The following CBFB variants were observed in gnomAD, a reference collection of about 807,000 sequenced individuals.
CBFB encodes CBF-beta.
A neutral mutation model predicts 30.4 loss-of-function variants in CBFB; 9 were observed. The observed-to-expected ratio is 0.30, with a 90% confidence interval of 0.18 to 0.52. The LOEUF (loss-of-function observed/expected upper bound fraction) is 0.52, where lower values mean the gene tolerates loss of function less well. Among genes scored for constraint, CBFB ranks in the 20% least tolerant of loss-of-function variants. The pLI, the probability that CBFB is intolerant of heterozygous loss-of-function variation, is 0.97. For synonymous variants in CBFB, 94 were observed against 84.0 expected (o/e 1.12, Z -0.65); for missense variants, 170 against 244.0 (o/e 0.70, Z 2.02).
At chr16:67,041,635 A>G (rs1279652314) in intron 3 of CBFB, among the ~76,000 whole-genome samples, 2 of 152,080 alleles carry the variant, frequency 1.3e-5, no homozygotes, top group Admixed American at 6.5e-5. Flanking sequence ...CTTTTTGGCT[A>G]GAGAAACTGG....
chr16:67,079,613 A>G (rs1181172375), intron 4 of CBFB, among the ~76,000 whole-genome samples: 2 of 131,802 alleles, frequency 1.5e-5, no homozygotes, highest in Non-Finnish European at 3.1e-5. Context: ...CCTCATTATT[A>G]TGTTTGCAAG....
At chr16:67,079,837 A>G (rs534230821) in intron 4 of CBFB, among the ~76,000 whole-genome samples, 2 of 152,120 alleles carry the variant, frequency 1.3e-5, no homozygotes, top group Non-Finnish European at 2.9e-5. Flanking sequence ...CGTTTCTTCA[A>G]GTGTACCATC....
intron 2 of CBFB, among the ~76,000 whole-genome samples, chr16:67,031,540 C>T (rs1328407029): frequency 1.3e-5 from 2 of 152,320 alleles, no homozygotes; most frequent in Admixed American, 6.5e-5. Flanking sequence ...GACGGAGTCT[C>T]GCTCTGTTAC....
At chr16:67,084,485 T>C (rs1961662923) in intron 5 of CBFB, among the ~76,000 whole-genome samples, 1 of 152,160 alleles carries the variant, frequency 6.6e-6, no homozygotes, top group Non-Finnish European at 1.5e-5. Context: ...AGTAGAATAG[T>C]GGTTGCCGGG....
intron 4 of CBFB, among the ~76,000 whole-genome samples, chr16:67,074,187 C>G (rs1961319889): frequency 7.5e-6 from 1 of 132,586 alleles, no homozygotes; most frequent in Non-Finnish European, 1.5e-5. Flanking sequence ...AGTTACATTT[C>G]TATATACCAG....
intron 3 of CBFB, among the ~76,000 whole-genome samples, chr16:67,051,607 GTCA>G (rs1453762741): frequency 6.6e-6 from 1 of 151,948 alleles, no homozygotes; most frequent in African/African-American, 2.4e-5. Context: ...TTTTCTAAGT[GTCA>G]TCATGAATAG....
chr16:67,098,934 G>T lies in CBFB; in HGVS notation c.*156G>T. The stretch of plus-strand genomic sequence containing the variant: ...GTAATAGACATCACAAACTGCCATG[G>T]TTTTGCACTATGATTATAATACCTG... On this transcript the variant is annotated 3_prime_UTR_variant, in exon 6 of 6. Transcript: ENST00000412916. The T allele has an allele frequency of 1.9e-6, 1 of 531,602 alleles. No individual in the cohort carries two copies. Among genetic ancestry groups the T allele is most frequent in the East Asian group, 3.1e-5 (1 of 32,560 alleles). The allele number at this position is 531,602 out of a possible 1,614,324, so 32.9% of individuals were successfully genotyped here. A position where few individuals can be genotyped will look rare whatever the true frequency, so the allele number is the denominator to read the frequency against.
chr16:67,039,720 T>G (rs994171567), intron 3 of CBFB, among the ~76,000 whole-genome samples: 4 of 152,200 alleles, frequency 2.6e-5, no homozygotes, highest in African/African-American at 9.7e-5. Context: ...TTTAGAAGTT[T>G]TTTTTTCTGT....
chr16:67,060,324 C>T (rs144767841), intron 3 of CBFB, among the ~76,000 whole-genome samples: 1 of 152,262 alleles, frequency 6.6e-6, no homozygotes, highest in East Asian at 1.9e-4. Flanking sequence ...ATAAAATTCA[C>T]TCTTTTAGAG....
intron 3 of CBFB, among the ~76,000 whole-genome samples, chr16:67,064,605 A>G (rs1222331954): frequency 6.6e-6 from 1 of 152,186 alleles, no homozygotes; most frequent in Non-Finnish European, 1.5e-5. Flanking sequence ...GTTTATCTCT[A>G]TCACAATAAA....
chr16:67,091,276 A>T (rs984870932), intron 5 of CBFB, among the ~76,000 whole-genome samples: 2 of 152,254 alleles, frequency 1.3e-5, no homozygotes, highest in Admixed American at 1.3e-4. Context: ...TCTAAAAATT[A>T]TTCTATCTGC....
intron 3 of CBFB, among the ~76,000 whole-genome samples, chr16:67,047,982 T>C (rs1444694079): frequency 1.3e-5 from 2 of 152,076 alleles, no homozygotes; most frequent in Admixed American, 6.5e-5. Flanking sequence ...GGCAGGAGAA[T>C]CACTTGAACC....
intron 3 of CBFB, among the ~76,000 whole-genome samples, chr16:67,049,068 ACCTCGG>A (rs1477081999): frequency 6.6e-6 from 1 of 150,972 alleles, no homozygotes; most frequent in African/African-American, 2.4e-5. Flanking sequence ...TGATCTACCC[ACCTCGG>A]CCTCATAAAG....
At chr16:67,031,187 G>A (rs1966337217) in intron 2 of CBFB, among the ~76,000 whole-genome samples, 1 of 152,200 alleles carries the variant, frequency 6.6e-6, no homozygotes, top group South Asian at 2.1e-4. Context: ...TTGTAATAGT[G>A]AGAAGATACT....
Position 67,080,288 on chromosome 16 carries a change from G to C in CBFB, c.400-1925G>C, listed in dbSNP as rs191792495. Among the ~76,000 whole-genome samples the C allele has an allele frequency of 8.5e-4, 128 of 151,190 alleles. 1 individual carries two copies. Among genetic ancestry groups the C allele is most frequent in the African/African-American group, 3.0e-3 (124 of 41,450 alleles). On this transcript the variant is annotated intron_variant, in intron 4 of 5. Coordinates refer to ENST00000412916, the MANE Select transcript of CBFB (RefSeq NM_022845.3). ...CAAATGGAAGCAAGGAGAGACTGTTGAGGAGACTTTTGCAATGGTCTAAGT... is the reference window on the plus strand; with the variant it reads ...CAAATGGAAGCAAGGAGAGACTGTTCAGGAGACTTTTGCAATGGTCTAAGT...
At chr16:67,067,663 C>T (rs1325998434) in intron 4 of CBFB, among the ~76,000 whole-genome samples, 4 of 152,058 alleles carry the variant, frequency 2.6e-5, no homozygotes, top group South Asian at 2.1e-4. Flanking sequence ...CTTCCCTGGG[C>T]GGGCAGGGTA....
At chr16:67,029,602 C>T (rs1966295444) in intron 1 of CBFB, 117 bp downstream of exon 1, 2 of 1,310,892 alleles carry the variant, frequency 1.5e-6, no homozygotes, top group Admixed American at 2.5e-5. Context: ...CGCGGAGGGG[C>T]AATCTCGCCG....
At chr16:67,055,804 C>T (rs1273153146) in intron 3 of CBFB, among the ~76,000 whole-genome samples, 3 of 152,168 alleles carry the variant, frequency 2.0e-5, no homozygotes, top group African/African-American at 7.2e-5. Flanking sequence ...GATTGAATGA[C>T]TGTAGAGATT....
At chr16:67,072,498 G>C (rs899971580) in intron 4 of CBFB, among the ~76,000 whole-genome samples, 1 of 147,602 alleles carries the variant, frequency 6.8e-6, no homozygotes, top group African/African-American at 2.5e-5. Flanking sequence ...ACAGAGTCTT[G>C]CTCTCTCACC....
Sources: allele counts gnomAD v4.1 joint callset (sites outside exome capture counted in the v4.1 genomes callset), GRCh38; gene constraint gnomAD v4.1.1; transcripts MANE v1.5; gene names NCBI Gene and HGNC (gene_info 2026-07-23, HGNC 2026-07-21).